Variants in MUCL1 observed in about 807,000 individuals in gnomAD.
The protein encoded by MUCL1 is mucin like 1, also known as mucin-like protein 1.
In MUCL1, 11 loss-of-function variants were observed where a neutral mutation model predicts 9.2. The ratio of observed to expected loss-of-function variants is 1.19; its 90% CI spans 0.75 to 1.97. The LOEUF is 1.97. Ranked by LOEUF, MUCL1 falls within the 30% of genes most tolerant of loss-of-function variation. The pLI, the probability that MUCL1 is intolerant of heterozygous loss-of-function variation, is 0.00. For missense variants in MUCL1, 144 were observed against 110.9 expected, an observed-to-expected ratio of 1.30 and a Z score of -1.34; for synonymous variants, 48 against 40.5, an observed-to-expected ratio of 1.19 and a Z score of -0.71.
chr12:54,833,526 T>A (rs1342468256), intron 1 of MUCL1, among the ~76,000 whole-genome samples: 1 of 152,132 alleles, frequency 6.6e-6, no homozygotes, highest in Non-Finnish European at 1.5e-5. Flanking sequence ...TTTCATAAAT[T>A]TATTGGTCAT....
chr12:54,855,217 C>T (rs1219289263), intron 2 of MUCL1, 60 bp downstream of exon 2: 1 of 1,487,254 alleles, frequency 6.7e-7, no homozygotes, highest in African/African-American at 1.4e-5. Flanking sequence ...CTTCCAGCCT[C>T]ATGTCAAACA....
At position 54,858,270 on chromosome 12, in the gene MUCL1, T is replaced by A. The variant is rs200845354; in HGVS notation, c.*28T>A. On this transcript the variant is annotated 3_prime_UTR_variant, in exon 4 of 4. Transcript: ENST00000308796. ...TGGAATCAGCTTGAGTCTTCTGCAA[T>A]TGGTCACAACTATTCATGCTTCCTG... 11 of 1,613,028 alleles carry A rather than the reference T, an allele frequency of 6.8e-6. No homozygotes were observed. Among genetic ancestry groups the A allele is most frequent in the Non-Finnish European group, 9.3e-6 (11 of 1,179,156 alleles).
At chr12:54,853,646 C>T (rs1369579585), upstream of MUCL1, among the ~76,000 whole-genome samples, 1 of 152,140 alleles carries the variant, frequency 6.6e-6, no homozygotes, top group Non-Finnish European at 1.5e-5. Context: ...TCTAAACTCT[C>T]CTTTCTTCTT....
At chr12:54,841,851 C>T (rs924346571) in intron 1 of MUCL1, among the ~76,000 whole-genome samples, 1 of 152,064 alleles carries the variant, frequency 6.6e-6, no homozygotes, top group South Asian at 2.1e-4. Context: ...GTTGCCTGTG[C>T]TTTTGGTATC....
rs943718588 is a variant in MUCL1, at chr12:54,843,862, T to C, written c.43+4415T>C. ...CTGTAAGATAATACATTTATGTTTT[T>C]TGAAGGCACTAAGTTGGTGGTAATT... On this transcript the variant is annotated intron_variant, in intron 1 of 3. Transcript: ENST00000546809. 5.3e-5 allele frequency among the ~76,000 whole-genome samples: 8 copies of C among 152,338 alleles called. No individual in the cohort carries two copies. In the East Asian group the frequency reaches 1.2e-3, roughly 22 times the overall value.
chr12:54,837,633 G>A (rs1316045906), upstream of MUCL1, among the ~76,000 whole-genome samples: 1 of 152,142 alleles, frequency 6.6e-6, no homozygotes, highest in Admixed American at 6.5e-5. Flanking sequence ...GCCGGGCGTG[G>A]TGGTGGGTGC....
chr12:54,850,428 C>A (rs993771580), upstream of MUCL1, among the ~76,000 whole-genome samples: 4 of 151,416 alleles, frequency 2.6e-5, no homozygotes, highest in South Asian at 4.2e-4. Context: ...TTTGTCCTTG[C>A]GATGGTTGGC....
upstream of MUCL1, among the ~76,000 whole-genome samples, chr12:54,838,093 A>G (rs1347075728): frequency 2.6e-5 from 4 of 152,130 alleles, 1 homozygote; most frequent in African/African-American, 9.7e-5. Flanking sequence ...AGGATTGGGA[A>G]CTCCTTTTAG....
In MUCL1 at chr12:54,856,773, G is replaced by T; in HGVS notation, c.104G>T (p.Gly35Val). ...AAPADTYPAT[G>V]PADDEAPDAE... ...GAGCTTTTCCTTCTAATTTCAGCTG[G>T]TCCTGCTGATGATGAAGCCCCTGAT... The change falls in exon 3 of 4, where the codon GGT becomes GTT. Residue 35 changes from glycine (G) to valine (V), a missense_variant. Coordinates refer to ENST00000308796, the MANE Select transcript of MUCL1 (RefSeq NM_058173.3). 6.2e-7 allele frequency: 1 copy of T among 1,611,002 alleles called. No homozygotes were observed. Among genetic ancestry groups the T allele is most frequent in the Non-Finnish European group, 8.5e-7 (1 of 1,178,574 alleles).
upstream of MUCL1, among the ~76,000 whole-genome samples, chr12:54,849,702 G>A (rs1248432172): frequency 1.3e-5 from 2 of 151,960 alleles, no homozygotes; most frequent in African/African-American, 4.8e-5. Context: ...AATATAACAT[G>A]CCCTATATAT....
intron 1 of MUCL1, chr12:54,831,015 G>T (rs1959184735): frequency 6.6e-6 from 1 of 152,088 alleles, no homozygotes; most frequent in Admixed American, 6.5e-5. Flanking sequence ...TGTCCTATTT[G>T]CCAGAAACGT....
chr12:54,839,894 G>T (rs1332772567), intron 1 of MUCL1, among the ~76,000 whole-genome samples: 1 of 152,178 alleles, frequency 6.6e-6, no homozygotes, highest in Non-Finnish European at 1.5e-5. Flanking sequence ...CGGAGCTGCA[G>T]ACTTTCTGTG....
intron 1 of MUCL1, among the ~76,000 whole-genome samples, chr12:54,841,854 T>C (rs1565775442): frequency 3.3e-5 from 5 of 152,194 alleles, no homozygotes; most frequent in Admixed American, 3.3e-4. Context: ...GCCTGTGCTT[T>C]TGGTATCATA....
chr12:54,851,578 A>G (rs894263548), upstream of MUCL1, among the ~76,000 whole-genome samples: 1 of 152,194 alleles, frequency 6.6e-6, no homozygotes. Context: ...AACTGGAAGC[A>G]TTCCCTTTGA....
intron 1 of MUCL1, among the ~76,000 whole-genome samples, chr12:54,846,785 T>A (rs1959263448): frequency 2.0e-5 from 1 of 49,924 alleles, no homozygotes; most frequent in Non-Finnish European, 4.9e-5. Flanking sequence ...CCTGTGAGGT[T>A]TATTAGGGTA....
intron 1 of MUCL1, among the ~76,000 whole-genome samples, chr12:54,833,589 AT>A (rs1173575403): frequency 6.6e-6 from 1 of 152,052 alleles, no homozygotes; most frequent in Non-Finnish European, 1.5e-5. Flanking sequence ...CAATGGTTAT[AT>A]TGGATTATCT....
At chr12:54,841,468 CA>C (rs1959211553) in intron 1 of MUCL1, among the ~76,000 whole-genome samples, 1 of 152,142 alleles carries the variant, frequency 6.6e-6, no homozygotes, top group African/African-American at 2.4e-5. Context: ...AAACAGTATA[CA>C]AATGTTCCTT....
intron 1 of MUCL1, among the ~76,000 whole-genome samples, chr12:54,840,082 G>C (rs1959202548): frequency 6.6e-6 from 1 of 152,200 alleles, no homozygotes; most frequent in Non-Finnish European, 1.5e-5. Context: ...GAATGCTACT[G>C]CTCCTCTGGC....
At chr12:54,850,342 A>T (rs1959320209), upstream of MUCL1, among the ~76,000 whole-genome samples, 1 of 127,092 alleles carries the variant, frequency 7.9e-6, no homozygotes, top group Non-Finnish European at 1.6e-5. Flanking sequence ...CCGGTGTGTG[A>T]TGTTCCCCTT....
Sources: allele counts gnomAD v4.1 joint callset (sites outside exome capture counted in the v4.1 genomes callset), GRCh38; gene constraint gnomAD v4.1.1; transcripts MANE v1.5; gene names NCBI Gene and HGNC (gene_info 2026-07-23, HGNC 2026-07-21).